Variants in PELI2 observed in about 807,000 individuals in gnomAD.
PELI2 encodes E3 ubiquitin-protein ligase pellino homolog 2.
Under a neutral mutation model 42.3 loss-of-function variants are expected in PELI2, and 23 were observed. The ratio of observed to expected loss-of-function variants is 0.54; its 90% confidence interval spans 0.39 to 0.77. The LOEUF (loss-of-function observed/expected upper bound fraction) is 0.77. Among genes scored for constraint, PELI2 ranks in the 30% least tolerant of loss-of-function variants. The pLI, the probability that PELI2 is intolerant of heterozygous loss-of-function variation, is 0.00. For synonymous variants in PELI2, 245 were observed against 212.2 expected, an observed-to-expected ratio of 1.15 and a Z score of -1.34; for missense variants, 463 against 553.2, an observed-to-expected ratio of 0.84 and a Z score of 1.64.
At chr14:56,146,066 C>A (rs1486488063) in intron 1 of PELI2, among the ~76,000 whole-genome samples, 1 of 152,152 alleles carries the variant, frequency 6.6e-6, no homozygotes, top group Non-Finnish European at 1.5e-5. Context: ...GGACTGTTTG[C>A]AATACAAAAT....
At chr14:56,227,462 T>C (rs991908553) in intron 2 of PELI2, among the ~76,000 whole-genome samples, 2 of 152,216 alleles carry the variant, frequency 1.3e-5, no homozygotes, top group African/African-American at 2.4e-5. Context: ...GAGAAAATAA[T>C]TACAAAAATG....
At chr14:56,124,041 C>T (rs1016465754) in intron 1 of PELI2, among the ~76,000 whole-genome samples, 2 of 152,168 alleles carry the variant, frequency 1.3e-5, no homozygotes, top group African/African-American at 2.4e-5. Flanking sequence ...TTAAACGTTT[C>T]TCCTGGGGTG....
At chr14:56,168,124 C>T (rs1308705159) in intron 1 of PELI2, among the ~76,000 whole-genome samples, 1 of 152,184 alleles carries the variant, frequency 6.6e-6, no homozygotes, top group Non-Finnish European at 1.5e-5. Flanking sequence ...AGACCTGGAG[C>T]CAGCACAGCA....
At chr14:56,252,546 G>A (rs776885918) in intron 2 of PELI2, among the ~76,000 whole-genome samples, 1 of 152,192 alleles carries the variant, frequency 6.6e-6, no homozygotes, top group African/African-American at 2.4e-5. Context: ...AGCCAGGAAA[G>A]AATTCAGAAC....
chr14:56,230,799 G>C (rs920927041), intron 2 of PELI2, among the ~76,000 whole-genome samples: 3 of 152,176 alleles, frequency 2.0e-5, no homozygotes, highest in Non-Finnish European at 4.4e-5. Context: ...AAAAGACACA[G>C]ACTGGCAAAT....
At chr14:56,279,882 G>C in intron 3 of PELI2, 105 bp downstream of exon 3, 2 of 473,698 alleles carry the variant, frequency 4.2e-6, no homozygotes, top group Non-Finnish European at 7.4e-6. Flanking sequence ...GGGGGAAAGA[G>C]TTGAAGATAA....
Position 56,279,788 on chromosome 14 carries a change from T to G in PELI2, c.309+11T>G. 1 of 1,427,906 alleles carries G rather than the reference T, an allele frequency of 7.0e-7. No homozygotes were observed. Among genetic ancestry groups the G allele is most frequent in the Non-Finnish European group, 9.7e-7 (1 of 1,026,496 alleles). The allele number at this position is 1,427,906 out of a possible 1,614,324, so 88.5% of individuals were successfully genotyped here. A position where few individuals can be genotyped will look rare whatever the true frequency, so the allele number is the denominator to read the frequency against. ...ACGGATATGTTTCAGGTAATATTTT[T>G]CTTTTTTAATAGAAATTTTAGCACG... On this transcript the variant is annotated intron_variant, in intron 3 of 5. Transcript: ENST00000267460.
At chr14:56,218,879 T>C (rs1887014894) in intron 2 of PELI2, among the ~76,000 whole-genome samples, 1 of 152,196 alleles carries the variant, frequency 6.6e-6, no homozygotes, top group East Asian at 1.9e-4. Flanking sequence ...TTTGTCAACA[T>C]TAAATGCGAT....
At chr14:56,139,498 T>C (rs1202225561) in intron 1 of PELI2, among the ~76,000 whole-genome samples, 1 of 152,210 alleles carries the variant, frequency 6.6e-6, no homozygotes, top group Non-Finnish European at 1.5e-5. Flanking sequence ...CGTTTGTTGC[T>C]GCTTATTATT....
rs1318028340 is a variant in PELI2, at chr14:56,219,771, C to T, written c.207+41307C>T. ...AAAAATGACACGACATGCCTTGACT[C>T]TATTCAGTTAGAGTCATTTATTTAT... is the stretch of plus-strand genomic sequence containing the variant. On this transcript the variant is annotated intron_variant, in intron 2 of 5. Coordinates refer to ENST00000267460, the MANE Select transcript of PELI2 (RefSeq NM_021255.3). This position sits in a 1 kb window ranked among gnomAD's most constrained non-coding sequence, Gnocchi z 4.1. Among the ~76,000 whole-genome samples, 5 of 152,208 alleles carry T rather than the reference C, an allele frequency of 3.3e-5. No individual in the cohort carries two copies. The highest frequency in any genetic ancestry group is 1.2e-4 in the African/African-American group (5 of 41,448).
At chr14:56,237,289 A>G (rs1327844800) in intron 2 of PELI2, among the ~76,000 whole-genome samples, 1 of 152,198 alleles carries the variant, frequency 6.6e-6, no homozygotes, top group Non-Finnish European at 1.5e-5. Flanking sequence ...TAAGAAATCA[A>G]TTAATTATTT....
chr14:56,167,660 A>C (rs901942873), intron 1 of PELI2, among the ~76,000 whole-genome samples: 2 of 151,992 alleles, frequency 1.3e-5, no homozygotes, highest in African/African-American at 4.8e-5. Flanking sequence ...TTGTTTCTCT[A>C]TGTTTGGTCC....
intron 1 of PELI2, among the ~76,000 whole-genome samples, chr14:56,164,519 C>CT (rs1224279258): frequency 6.6e-6 from 1 of 151,676 alleles, no homozygotes; most frequent in Non-Finnish European, 1.5e-5. Context: ...GATGTGTCTT[C>CT]ATGTGGTTTT....
chr14:56,271,413 A>G (rs1180955299), intron 2 of PELI2, among the ~76,000 whole-genome samples: 1 of 152,168 alleles, frequency 6.6e-6, no homozygotes, highest in African/African-American at 2.4e-5. Flanking sequence ...TGACATAGAA[A>G]GTTTGTATTT....
chr14:56,293,316 TG>T (rs1295379297), intron 5 of PELI2, among the ~76,000 whole-genome samples: 1 of 152,204 alleles, frequency 6.6e-6, no homozygotes, highest in African/African-American at 2.4e-5. Flanking sequence ...GCTTTTCTTT[TG>T]TGGTAGAATT....
At chr14:56,291,974 C>T (rs540436186) in intron 5 of PELI2, among the ~76,000 whole-genome samples, 146 of 152,332 alleles carry the variant, frequency 9.6e-4, no homozygotes, top group Non-Finnish European at 1.8e-3. Flanking sequence ...GAGCATTTGC[C>T]TCCCTGGGTG....
At position 56,228,435 on chromosome 14, in the gene PELI2, C is replaced by G. The variant is rs567424640; in HGVS notation, c.207+49971C>G. Among the ~76,000 whole-genome samples, 3 of 152,272 alleles carry G rather than the reference C, an allele frequency of 2.0e-5. No homozygotes were observed. In the South Asian group the frequency reaches 6.2e-4, roughly 32 times the overall value. Reference sequence around the variant, plus strand: ...TATCTATAAAGGCCTAATTTTTATTCAAGGATACCTAAGTTGAATATCTTT... The same window carrying G: ...TATCTATAAAGGCCTAATTTTTATTGAAGGATACCTAAGTTGAATATCTTT... On this transcript the variant is annotated intron_variant, in intron 2 of 5. Transcript: ENST00000267460.
chr14:56,196,953 C>T (rs1016305716), intron 2 of PELI2, among the ~76,000 whole-genome samples: 31 of 152,026 alleles, frequency 2.0e-4, no homozygotes, highest in African/African-American at 7.5e-4. Flanking sequence ...ATAAGAAGTG[C>T]TTATCTATCT....
rs989558188 is a variant in PELI2 at position 56,166,784 on chromosome 14, T to C, written c.78-11551T>C. 2.0e-5 allele frequency among the ~76,000 whole-genome samples: 3 copies of C among 151,630 alleles called. No individual in the cohort carries two copies. The South Asian group carries it at 6.3e-4, about 32-fold the overall frequency. On this transcript the variant is annotated intron_variant, in intron 1 of 5. Coordinates refer to ENST00000267460, the MANE Select transcript of PELI2 (RefSeq NM_021255.3). ...ATTTGTTTGTTGATTGGTTTTTTTT[T>C]CTTTCTTTTTTTTTATTTCTTGAGA...
Sources: allele counts gnomAD v4.1 joint callset (sites outside exome capture counted in the v4.1 genomes callset), GRCh38; gene constraint gnomAD v4.1.1; non-coding constraint Gnocchi (gnomAD v3.1); transcripts MANE v1.5; gene names NCBI Gene and HGNC (gene_info 2026-07-23, HGNC 2026-07-21).